The following CHRM5 variants were observed in gnomAD, a reference collection of about 807,000 sequenced individuals.
CHRM5 encodes the protein muscarinic acetylcholine receptor M5.
In CHRM5, 18 loss-of-function variants were observed where a neutral mutation model predicts 39.0. The ratio of observed to expected loss-of-function variants is 0.46; its 90% CI spans 0.32 to 0.68. The LOEUF is 0.68. Among genes scored for constraint, CHRM5 ranks in the 30% least tolerant of loss-of-function variants. The pLI, the probability that CHRM5 is intolerant of heterozygous loss-of-function variation, is 0.04. For synonymous variants in CHRM5, 241 were observed against 246.3 expected (o/e 0.98, Z 0.20); for missense variants, 515 against 651.1 (o/e 0.79, Z 2.28).
intron 1 of CHRM5, among the ~76,000 whole-genome samples, chr15:34,003,709 T>C (rs1336160585): frequency 6.6e-6 from 1 of 152,190 alleles, no homozygotes; most frequent in African/African-American, 2.4e-5. Context: ...CACTATTACA[T>C]ATAGTGAGGG....
At chr15:34,033,669 C>T (rs4780202) in intron 1 of CHRM5, among the ~76,000 whole-genome samples, 151,137 of 152,314 alleles carry the variant, frequency 0.99, 74,996 homozygotes, top group Middle Eastern at 1. Flanking sequence ...CACTAAAAAA[C>T]TTTCAAGTAT....
chr15:34,012,037 AAATGAGCTTCTT>A (rs772084937), intron 1 of CHRM5, among the ~76,000 whole-genome samples: 6 of 152,234 alleles, frequency 3.9e-5, no homozygotes, highest in Non-Finnish European at 8.8e-5. Context: ...CTGCTTTAAA[AAATGAGCTTCTT>A]ATAAGAATTT....
At chr15:33,998,383 T>C (rs1897017787) in intron 1 of CHRM5, among the ~76,000 whole-genome samples, 1 of 152,094 alleles carries the variant, frequency 6.6e-6, no homozygotes. Context: ...CCCAGGACTT[T>C]GGGAAGCCAA....
chr15:33,989,306 G>A (rs1896616285), intron 1 of CHRM5, among the ~76,000 whole-genome samples: 1 of 151,940 alleles, frequency 6.6e-6, no homozygotes, highest in African/African-American at 2.4e-5. Context: ...TAACCCAACA[G>A]TTTGTTTCTC....
Position 33,982,622 on chromosome 15 carries a change from AT to A in CHRM5, c.-408+13473del, listed in dbSNP as rs1323689202. Among the ~76,000 whole-genome samples, 4 of 152,314 alleles carry A rather than the reference AT, an allele frequency of 2.6e-5. No homozygotes were observed. The East Asian group carries it at 7.7e-4, about 29-fold the overall frequency. On this transcript the variant is annotated intron_variant, in intron 1 of 2. Transcript: ENST00000383263. The stretch of plus-strand genomic sequence containing the variant: ...TTAAATGCTATAAATGTTTACCCAT[AT>A]CTACCACTGCACTGACTCAAAATTT...
chr15:33,969,810 A>T (rs1270868452), intron 1 of CHRM5, among the ~76,000 whole-genome samples: 3 of 152,104 alleles, frequency 2.0e-5, no homozygotes, highest in Non-Finnish European at 4.4e-5. Context: ...TTAAAACCTC[A>T]AAAGCTTTGA....
At chr15:34,050,293 T>G (rs1899887547) in intron 2 of CHRM5, among the ~76,000 whole-genome samples, 1 of 152,190 alleles carries the variant, frequency 6.6e-6, no homozygotes. Context: ...AAGCAAATGC[T>G]GAGGGAATTT....
At chr15:33,989,202 T>C (rs1242627645) in intron 1 of CHRM5, among the ~76,000 whole-genome samples, 1 of 152,180 alleles carries the variant, frequency 6.6e-6, no homozygotes, top group East Asian at 1.9e-4. Context: ...CATTTATTTT[T>C]CTAATTACAT....
chr15:34,004,643 T>C (rs902793874), intron 1 of CHRM5, among the ~76,000 whole-genome samples: 7 of 152,148 alleles, frequency 4.6e-5, no homozygotes, highest in Non-Finnish European at 7.4e-5. Context: ...GAACTCTTTA[T>C]GGATGAAAAG....
chr15:34,032,023 G>GCA (rs10643932), intron 1 of CHRM5, among the ~76,000 whole-genome samples: 20,521 of 148,968 alleles, frequency 0.14, 1,783 homozygotes, highest in African/African-American at 0.25. Flanking sequence ...GCGCGCACAC[G>GCA]CACACACACA....
Position 34,064,576 on chromosome 15 carries a change from C to T in CHRM5, c.*260C>T. Reference sequence around the variant, plus strand: ...TGCCAATGAAGTAAAGGGATAGGCTCATGGCCCTTCACAAGAGGAAGCACA... The same window carrying T: ...TGCCAATGAAGTAAAGGGATAGGCTTATGGCCCTTCACAAGAGGAAGCACA... On this transcript the variant is annotated 3_prime_UTR_variant, in exon 3 of 3. Transcript: ENST00000383263. The T allele has an allele frequency of 2.1e-6, 1 of 484,180 alleles. No individual in the cohort carries two copies. The highest frequency in any genetic ancestry group is 3.0e-5 in the South Asian group (1 of 33,180). 30.0% of individuals were successfully genotyped at this position (484,180 alleles called of 1,614,324 possible). A position where few individuals can be genotyped will look rare whatever the true frequency, so the allele number is the denominator to read the frequency against.
intron 1 of CHRM5, among the ~76,000 whole-genome samples, chr15:34,029,559 T>G (rs1898672014): frequency 6.7e-6 from 1 of 149,920 alleles, no homozygotes; most frequent in Non-Finnish European, 1.5e-5. Context: ...GGAAATGGTT[T>G]TAAAACTTTA....
intron 1 of CHRM5, among the ~76,000 whole-genome samples, chr15:33,982,590 A>AT (rs1405118650): frequency 2.0e-5 from 3 of 152,142 alleles, no homozygotes; most frequent in Middle Eastern, 6.8e-3. Context: ...AGATTTTACA[A>AT]TTTTTTTTAA....
intron 1 of CHRM5, among the ~76,000 whole-genome samples, chr15:34,036,194 A>C (rs538608885): frequency 5.9e-4 from 90 of 152,216 alleles, no homozygotes; most frequent in Non-Finnish European, 1.2e-3. Flanking sequence ...CATAATCAGT[A>C]AGCTTAGAGC....
intron 1 of CHRM5, among the ~76,000 whole-genome samples, chr15:33,971,779 C>G (rs1167832257): frequency 6.6e-6 from 1 of 151,918 alleles, no homozygotes; most frequent in African/African-American, 2.4e-5. Context: ...TTTCAACTAG[C>G]CAATATATTT....
At chr15:34,055,679 T>TA (rs1900114813) in intron 2 of CHRM5, among the ~76,000 whole-genome samples, 1 of 151,638 alleles carries the variant, frequency 6.6e-6, no homozygotes, top group South Asian at 2.1e-4. Flanking sequence ...CGGGTGCCTG[T>TA]AGCCCCAGCT....
chr15:34,064,409 A>G lies in CHRM5; in HGVS notation c.*93A>G. The G allele has an allele frequency of 7.1e-7, 1 of 1,407,704 alleles. No individual in the cohort carries two copies. The highest frequency in any genetic ancestry group is 9.4e-7 in the Non-Finnish European group (1 of 1,059,654). The allele number at this position is 1,407,704 out of a possible 1,614,324, so 87.2% of individuals were successfully genotyped here. A position where few individuals can be genotyped will look rare whatever the true frequency, so the allele number is the denominator to read the frequency against. ...TTCTGGTTTGTATATTTTCAAAAAG[A>G]AGACATCTCATTTTGAGTCCTTGAA... On this transcript the variant is annotated 3_prime_UTR_variant, in exon 3 of 3. Transcript: ENST00000383263.
chr15:34,056,320 C>T (rs879833574), intron 2 of CHRM5, among the ~76,000 whole-genome samples: 6 of 152,056 alleles, frequency 3.9e-5, no homozygotes, highest in Admixed American at 6.6e-5. Context: ...AGATTTTAGC[C>T]GAAATTAGAA....
At position 34,002,637 on chromosome 15, in the gene CHRM5, T is replaced by TA. The variant is rs765134950; in HGVS notation, c.-408+33494dup. 7.2e-5 allele frequency among the ~76,000 whole-genome samples: 11 copies of TA among 152,008 alleles called. 1 individual carries two copies. The highest frequency in any genetic ancestry group is 6.6e-4 in the Admixed American group (10 of 15,256). On this transcript the variant is annotated intron_variant, in intron 1 of 2. Coordinates refer to ENST00000383263, the MANE Select transcript of CHRM5 (RefSeq NM_012125.4). ...ACTACTATGTATATACCTGGCTACT[T>TA]AAAAAAAGGAAAAAAAAGAGAACAT...
Sources: allele counts gnomAD v4.1 joint callset (sites outside exome capture counted in the v4.1 genomes callset), GRCh38; gene constraint gnomAD v4.1.1; transcripts MANE v1.5; gene names NCBI Gene and HGNC (gene_info 2026-07-23, HGNC 2026-07-21).